The following STK35 variants were observed in gnomAD, a reference collection of about 807,000 sequenced individuals.
The protein encoded by STK35 is serine/threonine kinase 35, also known as serine/threonine-protein kinase 35.
STK35 carries 17 observed loss-of-function variants against 37.3 expected under a neutral mutation model. That is an observed-to-expected ratio of 0.46 (90% CI 0.31 to 0.68). STK35 has a LOEUF of 0.68. Among genes scored for constraint, STK35 ranks in the 30% least tolerant of loss-of-function variants. STK35 has a pLI of 0.05. For synonymous variants in STK35, 385 were observed against 319.1 expected, an observed-to-expected ratio of 1.21 and a Z score of -2.20; for missense variants, 595 against 746.7, an observed-to-expected ratio of 0.80 and a Z score of 2.37.
In STK35 at chr20:2,135,734, G is replaced by A. The variant is rs560593792; in HGVS notation, c.*38-8050G>A. ...AAAAATTAGCCGGGCGTGGTGGTGC[G>A]CGCCTGTCTTCCCAGCTACTCAGGA... On this transcript the variant is annotated intron_variant, in intron 3 of 3. Transcript: ENST00000381482. Among the ~76,000 whole-genome samples, 116 of 152,272 alleles carry A rather than the reference G, an allele frequency of 7.6e-4. 1 individual carries two copies. The highest frequency in any genetic ancestry group is 1.2e-3 in the Non-Finnish European group (84 of 68,030).
At chr20:2,120,686 A>T (rs1166007686) in intron 3 of STK35, among the ~76,000 whole-genome samples, 3 of 152,224 alleles carry the variant, frequency 2.0e-5, no homozygotes, top group Non-Finnish European at 4.4e-5. Context: ...TTCATTCAAC[A>T]TGTTCTTTGG....
intron 3 of STK35, among the ~76,000 whole-genome samples, chr20:2,131,603 C>G (rs984095150): frequency 1.1e-4 from 17 of 152,200 alleles, no homozygotes; most frequent in African/African-American, 3.4e-4. Flanking sequence ...TAGGACATTA[C>G]TGTACACTAT....
At chr20:2,107,934 T>C (rs1314053513) in intron 2 of STK35, among the ~76,000 whole-genome samples, 1 of 152,182 alleles carries the variant, frequency 6.6e-6, no homozygotes, top group African/African-American at 2.4e-5. Flanking sequence ...AGTTTCACCC[T>C]GTAAATAAGA....
At position 2,144,064 on chromosome 20, in the gene STK35, T is replaced by C. The variant is rs1986216646; in HGVS notation, c.*318T>C. 1 of 357,380 alleles carries C rather than the reference T, an allele frequency of 2.8e-6. No homozygotes were observed. Among genetic ancestry groups the C allele is most frequent in the South Asian group, 2.2e-5 (1 of 45,960 alleles). The allele number at this position is 357,380 out of a possible 1,614,324, so 22.1% of individuals were successfully genotyped here. On this transcript the variant is annotated 3_prime_UTR_variant, in exon 4 of 4. Coordinates refer to ENST00000381482, the MANE Select transcript of STK35 (RefSeq NM_080836.4). ...CACCAATTTCTTTAAAGAAATTCAA[T>C]GTGGGCAAGGCATATGTGTAAATTT...
chr20:2,137,625 T>C (rs1986108191), intron 3 of STK35, among the ~76,000 whole-genome samples: 1 of 152,212 alleles, frequency 6.6e-6, no homozygotes, highest in African/African-American at 2.4e-5. Context: ...AGTACTCCCA[T>C]TCCTTCGACC....
At chr20:2,137,209 A>G (rs1485746706) in intron 3 of STK35, among the ~76,000 whole-genome samples, 2 of 152,206 alleles carry the variant, frequency 1.3e-5, no homozygotes, top group Non-Finnish European at 2.9e-5. Context: ...TGCTATGTGT[A>G]CTATCACTGG....
chr20:2,105,022 T>A (rs948584315), intron 2 of STK35, among the ~76,000 whole-genome samples: 1 of 151,984 alleles, frequency 6.6e-6, no homozygotes, highest in African/African-American at 2.4e-5. Flanking sequence ...CCGGACCTGA[T>A]GGCACAGGCT....
At chr20:2,113,890 T>C (rs1348207751) in intron 2 of STK35, among the ~76,000 whole-genome samples, 2 of 152,192 alleles carry the variant, frequency 1.3e-5, no homozygotes, top group South Asian at 4.1e-4. Context: ...CTCAGAGAGC[T>C]TCAGGGACTT....
chr20:2,102,750 C>G lies in STK35; in HGVS notation c.295-18C>G, dbSNP rs767543365. On this transcript the variant is annotated intron_variant, in intron 1 of 3. Coordinates refer to ENST00000381482, the MANE Select transcript of STK35 (RefSeq NM_080836.4). ...CCCCGCCTTGGCCTGGCCGTTTAAC[C>G]GATTCTTTCGCCCGCAGGTCACAAT... is the stretch of plus-strand genomic sequence containing the variant. 10 of 1,409,996 alleles carry G rather than the reference C, an allele frequency of 7.1e-6. No individual in the cohort carries two copies. The East Asian group carries it at 3.0e-4, about 43-fold the overall frequency. The allele number at this position is 1,409,996 out of a possible 1,614,324, so 87.3% of individuals were successfully genotyped here. A position where few individuals can be genotyped will look rare whatever the true frequency, so the allele number is the denominator to read the frequency against.
intron 2 of STK35, among the ~76,000 whole-genome samples, chr20:2,107,068 G>A (rs985225052): frequency 1.3e-5 from 2 of 152,194 alleles, no homozygotes; most frequent in African/African-American, 4.8e-5. Context: ...TAAAGGTTGG[G>A]GGGGTGAAGG....
At chr20:2,115,109 A>C (rs1232987065) in intron 2 of STK35, among the ~76,000 whole-genome samples, 2 of 152,218 alleles carry the variant, frequency 1.3e-5, no homozygotes, top group African/African-American at 4.8e-5. Flanking sequence ...TATTACTTTG[A>C]TTGTGAGTAA....
intron 3 of STK35, among the ~76,000 whole-genome samples, chr20:2,121,574 T>C (rs1331826540): frequency 6.6e-6 from 1 of 152,100 alleles, no homozygotes; most frequent in African/African-American, 2.4e-5. Flanking sequence ...GAGTAGGCAG[T>C]TGGATGAGTC....
intron 3 of STK35, among the ~76,000 whole-genome samples, chr20:2,118,126 T>A (rs531467802): frequency 5.3e-5 from 8 of 152,172 alleles, no homozygotes; most frequent in Non-Finnish European, 1.2e-4. Flanking sequence ...CCCTAGTTGG[T>A]CAAGGTCTTT....
At position 2,130,919 on chromosome 20, in the gene STK35, G is replaced by A. The variant is rs142228836; in HGVS notation, c.*38-12865G>A. 1.4e-4 allele frequency among the ~76,000 whole-genome samples: 21 copies of A among 152,294 alleles called. No individual in the cohort carries two copies. The East Asian group carries it at 3.5e-3, about 25-fold the overall frequency. Reference sequence around the variant, plus strand: ...AATAGAGGGCGTGGGTAGAGGTTGTGTCATCTGCCTGCTCACCAGACCCCC... The same window carrying A: ...AATAGAGGGCGTGGGTAGAGGTTGTATCATCTGCCTGCTCACCAGACCCCC... On this transcript the variant is annotated intron_variant, in intron 3 of 3. Coordinates refer to ENST00000381482, the MANE Select transcript of STK35 (RefSeq NM_080836.4).
rs147812244 is a variant in STK35, at chr20:2,117,078, G to A, written c.1305G>A (p.Ala435=). ...EVWEGHYTAK[A]DIFALGIIIW... ...GGGAGGGACACTACACAGCCAAGGC[G>A]GACATCTTTGCCCTGGGCATTATCA... Residue 435 remains alanine, a synonymous_variant, in exon 3 of 4, where the codon GCG becomes GCA. Coordinates refer to ENST00000381482, the MANE Select transcript of STK35 (RefSeq NM_080836.4). This position sits in a 1 kb window ranked among gnomAD's most constrained non-coding sequence, Gnocchi z 4.4. The A allele has an allele frequency of 2.1e-4, 340 of 1,614,012 alleles. 1 individual carries two copies. The highest frequency in any genetic ancestry group is 5.4e-4 in the South Asian group (49 of 91,058).
Position 2,140,226 on chromosome 20 carries a change from G to A in STK35, c.*38-3558G>A, listed in dbSNP as rs115803373. 4.7e-3 allele frequency among the ~76,000 whole-genome samples: 713 copies of A among 152,276 alleles called. 9 individuals are homozygous for A. Among genetic ancestry groups the A allele is most frequent in the African/African-American group, 0.016 (665 of 41,540 alleles). On this transcript the variant is annotated intron_variant, in intron 3 of 3. Coordinates refer to ENST00000381482, the MANE Select transcript of STK35 (RefSeq NM_080836.4). Reference sequence around the variant, plus strand: ...GGTGTGATTTTTGCCCTCAAGGAGCGGGCTCTGGTCAGAGGTAGGGGTTCC... The same window carrying A: ...GGTGTGATTTTTGCCCTCAAGGAGCAGGCTCTGGTCAGAGGTAGGGGTTCC...
At chr20:2,137,413 T>C (rs1376677724) in intron 3 of STK35, among the ~76,000 whole-genome samples, 1 of 152,172 alleles carries the variant, frequency 6.6e-6, no homozygotes, top group African/African-American at 2.4e-5. Flanking sequence ...TATCTGCCTG[T>C]GGGTGAGCTG....
chr20:2,121,246 G>A (rs1382311468), intron 3 of STK35, among the ~76,000 whole-genome samples: 7 of 152,176 alleles, frequency 4.6e-5, no homozygotes, highest in East Asian at 3.9e-4. Flanking sequence ...TTGAAATAAC[G>A]GGATAAGATG....
At position 2,128,982 on chromosome 20, in the gene STK35, G is replaced by T. The variant is rs554783657; in HGVS notation, c.*37+11567G>T. On this transcript the variant is annotated intron_variant, in intron 3 of 3. Coordinates refer to ENST00000381482, the MANE Select transcript of STK35 (RefSeq NM_080836.4). ...TGGGATTATAAGTGCATGCCACCAC[G>T]CCCAGCTAATTTTCATATTTTTATT... Among the ~76,000 whole-genome samples the T allele has an allele frequency of 2.6e-5, 4 of 152,058 alleles. No individual in the cohort carries two copies. In the South Asian group the frequency reaches 8.3e-4, roughly 32 times the overall value.
Sources: allele counts gnomAD v4.1 joint callset (sites outside exome capture counted in the v4.1 genomes callset), GRCh38; gene constraint gnomAD v4.1.1; non-coding constraint Gnocchi (gnomAD v3.1); transcripts MANE v1.5; gene names NCBI Gene and HGNC (gene_info 2026-07-23, HGNC 2026-07-21).